CDH18: variants seen among roughly 807,000 people sequenced by gnomAD.
The protein encoded by CDH18 is cadherin-18.
Under a neutral mutation model 67.9 loss-of-function variants are expected in CDH18, and 31 were observed. The ratio of observed to expected loss-of-function variants is 0.46; its 90% confidence interval spans 0.34 to 0.62. CDH18 has a LOEUF of 0.62. Ranked by LOEUF, CDH18 falls within the 20% of genes least tolerant of loss-of-function variation. CDH18 has a pLI of 0.01. For synonymous variants in CDH18, 362 were observed against 347.2 expected (o/e 1.04, Z -0.48); for missense variants, 890 against 975.5 (o/e 0.91, Z 1.17).
intron 1 of CDH18, among the ~76,000 whole-genome samples, chr5:20,501,478 CATATTAT>C (rs1199605222): frequency 6.7e-4 from 48 of 71,740 alleles, no homozygotes; most frequent in African/African-American, 2.1e-3. Context: ...ATATTATATA[CATATTAT>C]ATATATTTTA....
chr5:20,095,460 G>A (rs1340802562), intron 2 of CDH18, among the ~76,000 whole-genome samples: 46 of 98,282 alleles, frequency 4.7e-4, no homozygotes, highest in African/African-American at 1.8e-3. Context: ...AAGAAAGAAA[G>A]AAGAAAGAAG....
intron 1 of CDH18, among the ~76,000 whole-genome samples, chr5:20,273,001 T>C (rs1745550233): frequency 6.6e-6 from 1 of 152,112 alleles, no homozygotes; most frequent in Non-Finnish European, 1.5e-5. Flanking sequence ...ATTTAACTGT[T>C]TGTAAGCAAA....
At chr5:19,974,605 T>A (rs1275947262) in intron 2 of CDH18, among the ~76,000 whole-genome samples, 1 of 150,796 alleles carries the variant, frequency 6.6e-6, no homozygotes, top group African/African-American at 2.4e-5. Flanking sequence ...TTTAATGATG[T>A]AACCAATTAA....
chr5:20,445,029 T>G (rs1002549618), intron 1 of CDH18, among the ~76,000 whole-genome samples: 2 of 152,176 alleles, frequency 1.3e-5, no homozygotes, highest in Non-Finnish European at 2.9e-5. Flanking sequence ...AAGCTTTCTT[T>G]TCATGCCAAA....
At chr5:20,172,218 A>ACACG (rs1561848595) in intron 2 of CDH18, among the ~76,000 whole-genome samples, 1 of 80,744 alleles carries the variant, frequency 1.2e-5, no homozygotes, top group Non-Finnish European at 2.3e-5. Flanking sequence ...ATATATATAT[A>ACACG]TATATGTATA....
chr5:20,469,330 A>G (rs1199680953), intron 1 of CDH18, among the ~76,000 whole-genome samples: 2 of 149,766 alleles, frequency 1.3e-5, no homozygotes, highest in Non-Finnish European at 3.0e-5. Flanking sequence ...AAGACGTTCA[A>G]TATGTTTAAA....
chr5:19,955,055 G>A, intron 2 of CDH18, among the ~76,000 whole-genome samples: 1 of 152,054 alleles, frequency 6.6e-6, no homozygotes, highest in East Asian at 1.9e-4. Flanking sequence ...TCATGATAGT[G>A]AATGCATTCT....
intron 2 of CDH18, among the ~76,000 whole-genome samples, chr5:20,215,204 T>G (rs1740666832): frequency 6.6e-6 from 1 of 151,948 alleles, no homozygotes; most frequent in Non-Finnish European, 1.5e-5. Context: ...AGAGCCAATG[T>G]AAGCAGTTCC....
chr5:19,727,031 C>T (rs935692816), intron 4 of CDH18, among the ~76,000 whole-genome samples: 1 of 152,144 alleles, frequency 6.6e-6, no homozygotes, highest in Non-Finnish European at 1.5e-5. Context: ...TTGGACCTCC[C>T]ATCTTTCAGA....
intron 3 of CDH18, among the ~76,000 whole-genome samples, chr5:19,831,219 A>G (rs977065396): frequency 1.3e-5 from 2 of 152,144 alleles, no homozygotes; most frequent in Admixed American, 6.6e-5. Flanking sequence ...CAAATAATTT[A>G]TGGCTAAGTA....
At chr5:19,962,717 A>G (rs956762801) in intron 2 of CDH18, among the ~76,000 whole-genome samples, 7 of 152,104 alleles carry the variant, frequency 4.6e-5, no homozygotes, top group Admixed American at 3.3e-4. Flanking sequence ...CGGAGGTTGC[A>G]GTGAACCGAG....
chr5:20,284,317 G>T (rs2940449), intron 1 of CDH18, among the ~76,000 whole-genome samples: 17,751 of 151,878 alleles, frequency 0.12, 1,575 homozygotes, highest in African/African-American at 0.24. Flanking sequence ...ACCTGATGTG[G>T]TGCATGCCTG....
At chr5:20,238,350 A>G (rs1742631980) in intron 2 of CDH18, among the ~76,000 whole-genome samples, 1 of 152,176 alleles carries the variant, frequency 6.6e-6, no homozygotes, top group South Asian at 2.1e-4. Context: ...AAGAACTTGT[A>G]TTCAGAATTT....
intron 1 of CDH18, among the ~76,000 whole-genome samples, chr5:20,329,245 C>T (rs1272203373): frequency 1.3e-5 from 2 of 152,026 alleles, no homozygotes; most frequent in Admixed American, 6.5e-5. Context: ...AGAGAATGAA[C>T]GAAGGCACGC....
intron 5 of CDH18, among the ~76,000 whole-genome samples, chr5:19,637,704 T>G (rs144029769): frequency 1.3e-5 from 2 of 152,276 alleles, no homozygotes; most frequent in Admixed American, 1.3e-4. Flanking sequence ...CCGGCCTGCC[T>G]GTAGCAAGAA....
intron 5 of CDH18, among the ~76,000 whole-genome samples, chr5:19,667,299 G>C (rs908825651): frequency 2.6e-4 from 40 of 151,374 alleles, no homozygotes; most frequent in Middle Eastern, 3.5e-3. Context: ...AATTGCAGTT[G>C]AACAAATTCG....
intron 11 of CDH18, among the ~76,000 whole-genome samples, chr5:19,489,147 C>T (rs1246171024): frequency 1.3e-5 from 2 of 151,974 alleles, no homozygotes; most frequent in East Asian, 3.9e-4. Context: ...ACCATCTTAA[C>T]TGATTCCACC....
rs70950085 is a variant in CDH18, at chr5:19,699,642, C to CTGTGTGTGTGTG, written c.643+21693_643+21704dup. Reference sequence around the variant, plus strand: ...TGTGTGTGTGTGTGTGTGTGTGTGTCTGTGTGTGTGTGTGTGTGTGTGTTT... The same window carrying CTGTGTGTGTGTG: ...TGTGTGTGTGTGTGTGTGTGTGTGTCTGTGTGTGTGTGTGTGTGTGTGTGTGTGTGTGTGTTT... On this transcript the variant is annotated intron_variant, in intron 5 of 12. Coordinates refer to ENST00000382275, the MANE Select transcript of CDH18 (RefSeq NM_004934.5). Among the ~76,000 whole-genome samples, 6 of 144,500 alleles carry CTGTGTGTGTGTG rather than the reference C, an allele frequency of 4.2e-5. No individual in the cohort carries two copies. The South Asian group carries it at 7.0e-4, about 17-fold the overall frequency. 94.8% of individuals were successfully genotyped at this position (144,500 alleles called of 152,430 possible). A position where few individuals can be genotyped will look rare whatever the true frequency, so the allele number is the denominator to read the frequency against.
intron 12 of CDH18, among the ~76,000 whole-genome samples, chr5:19,481,457 C>T (rs754789169): frequency 2.6e-5 from 4 of 152,156 alleles, no homozygotes; most frequent in Non-Finnish European, 4.4e-5. Context: ...CGTACTGTGT[C>T]GAAGGGAGAC....
Sources: gnomAD v4.1 joint callset for allele counts (sites outside exome capture counted in the v4.1 genomes callset) on GRCh38, gnomAD v4.1.1 for gene constraint, MANE v1.5 for transcripts, NCBI Gene and HGNC (gene_info 2026-07-23, HGNC 2026-07-21) for gene names.